The following PKNOX2 variants were observed in gnomAD, a reference collection of about 807,000 sequenced individuals.
The protein encoded by PKNOX2 is homeobox protein PKNOX2.
PKNOX2 carries 14 observed loss-of-function variants against 53.1 expected under a neutral mutation model. The observed-to-expected ratio is 0.26, with a 90% CI of 0.17 to 0.41. PKNOX2 has a LOEUF of 0.41. Ranked by LOEUF, PKNOX2 falls within the 10% of genes least tolerant of loss-of-function variation. The pLI, the probability that PKNOX2 is intolerant of heterozygous loss-of-function variation, is 1.00. For missense variants in PKNOX2, 496 were observed against 602.8 expected, an observed-to-expected ratio of 0.82 and a Z score of 1.85; for synonymous variants, 257 against 242.8, an observed-to-expected ratio of 1.06 and a Z score of -0.54.
intron 6 of PKNOX2, among the ~76,000 whole-genome samples, chr11:125,396,465 A>G (rs1954407291): frequency 6.6e-6 from 1 of 152,140 alleles, no homozygotes; most frequent in Non-Finnish European, 1.5e-5. Context: ...CACCATTTGA[A>G]CAACCCCCTG....
At chr11:125,265,566 C>T (rs576180072) in intron 2 of PKNOX2, among the ~76,000 whole-genome samples, 13 of 152,326 alleles carry the variant, frequency 8.5e-5, no homozygotes, top group African/African-American at 2.4e-4. Context: ...GCTGCCGCCT[C>T]ACCCTGCTGG....
At chr11:125,398,156 T>G (rs192618697) in intron 7 of PKNOX2, 94 bp downstream of exon 7, 1 of 1,330,732 alleles carries the variant, frequency 7.5e-7, no homozygotes, top group African/African-American at 1.5e-5. Flanking sequence ...TGACCTTCAC[T>G]GGGTTAGACC....
chr11:125,309,131 CTTTCTTTCTTTCTTTCT>C (rs1565493488), intron 2 of PKNOX2, among the ~76,000 whole-genome samples: 32 of 102,374 alleles, frequency 3.1e-4, no homozygotes, highest in African/African-American at 1.4e-3. Context: ...TTACCTCTTC[CTTTCTTTCTTTCTTTCT>C]TTCTTTCTTT....
intron 4 of PKNOX2, among the ~76,000 whole-genome samples, chr11:125,360,250 G>C (rs1951853576): frequency 6.6e-6 from 1 of 152,118 alleles, no homozygotes; most frequent in African/African-American, 2.4e-5. Context: ...GAGGTGTGTG[G>C]GGGTTTAATA....
chr11:125,286,066 C>G, intron 2 of PKNOX2, among the ~76,000 whole-genome samples: 1 of 152,068 alleles, frequency 6.6e-6, no homozygotes, highest in Non-Finnish European at 1.5e-5. Context: ...AGAGACGGGG[C>G]AGTGTGAGGC....
At chr11:125,389,024 G>A (rs1267129899) in intron 6 of PKNOX2, among the ~76,000 whole-genome samples, 1 of 152,106 alleles carries the variant, frequency 6.6e-6, no homozygotes, top group Non-Finnish European at 1.5e-5. Context: ...GCGAAACCTC[G>A]TCTCTACTAA....
chr11:125,190,261 ATAAAT>A (rs1956799878), intron 1 of PKNOX2, among the ~76,000 whole-genome samples: 1 of 152,144 alleles, frequency 6.6e-6, no homozygotes, highest in African/African-American at 2.4e-5. Context: ...AATTTGGGCA[ATAAAT>A]TAAATGGTGA....
At chr11:125,261,012 A>T (rs1944804488) in intron 2 of PKNOX2, among the ~76,000 whole-genome samples, 1 of 152,302 alleles carries the variant, frequency 6.6e-6, no homozygotes, top group South Asian at 2.1e-4. Context: ...CTATAAAATG[A>T]TAATAATAAT....
Position 125,298,355 on chromosome 11 carries a change from G to A in PKNOX2, c.-129-33464G>A, listed in dbSNP as rs1565490838. On this transcript the variant is annotated intron_variant, in intron 2 of 12. Coordinates refer to ENST00000298282, the MANE Select transcript of PKNOX2 (RefSeq NM_001382323.2). Reference sequence around the variant, plus strand: ...GTCACCAGGGATAGAGGCCCACACAGGATACCCTGGAAGCGGCGCGTTTGT... The same window carrying A: ...GTCACCAGGGATAGAGGCCCACACAAGATACCCTGGAAGCGGCGCGTTTGT... 2.6e-5 allele frequency among the ~76,000 whole-genome samples: 4 copies of A among 152,296 alleles called. No individual in the cohort carries two copies. The East Asian group carries it at 7.7e-4, about 29-fold the overall frequency.
chr11:125,214,733 C>T (rs1222891783), intron 1 of PKNOX2, among the ~76,000 whole-genome samples: 1 of 152,032 alleles, frequency 6.6e-6, no homozygotes, highest in Non-Finnish European at 1.5e-5. Flanking sequence ...AACTCCTTGC[C>T]AACCCTTAGA....
intron 2 of PKNOX2, among the ~76,000 whole-genome samples, chr11:125,252,369 C>T (rs1434095619): frequency 6.6e-6 from 1 of 152,042 alleles, no homozygotes; most frequent in African/African-American, 2.4e-5. Context: ...TTGATTTGGC[C>T]AGATCTGTGT....
chr11:125,393,315 C>A (rs1954190836), intron 6 of PKNOX2, among the ~76,000 whole-genome samples: 1 of 151,948 alleles, frequency 6.6e-6, no homozygotes, highest in African/African-American at 2.4e-5. Flanking sequence ...CCTAGAAGTT[C>A]CTCGATGTTC....
chr11:125,386,762 C>A (rs1953664852), intron 6 of PKNOX2, among the ~76,000 whole-genome samples: 1 of 124,952 alleles, frequency 8.0e-6, no homozygotes, highest in Non-Finnish European at 1.7e-5. Flanking sequence ...ACTGCATCTG[C>A]AGAACCGGTG....
chr11:125,432,296 T>C lies in PKNOX2; in HGVS notation c.*904T>C, dbSNP rs1466139318. 2 of 152,780 alleles carry C rather than the reference T, an allele frequency of 1.3e-5. No individual in the cohort carries two copies. The highest frequency in any genetic ancestry group is 2.9e-5 in the Non-Finnish European group (2 of 68,068). 9.5% of individuals were successfully genotyped at this position (152,780 alleles called of 1,614,324 possible). A position where few individuals can be genotyped will look rare whatever the true frequency, so the allele number is the denominator to read the frequency against. On this transcript the variant is annotated 3_prime_UTR_variant, in exon 13 of 13. Coordinates refer to ENST00000298282, the MANE Select transcript of PKNOX2 (RefSeq NM_001382323.2). ...CACCTTCAGTGCTCCACGCCCTCCA[T>C]AGACCTTCAGAGAAGGTGAAACCAG...
At chr11:125,430,278 C>G in intron 12 of PKNOX2, 137 bp downstream of exon 12, 1 of 1,040,644 alleles carries the variant, frequency 9.6e-7, no homozygotes, top group Non-Finnish European at 1.4e-6. Context: ...GTGATTATCC[C>G]TCCCCAAAGC....
At chr11:125,231,340 C>T (rs1055478897) in intron 1 of PKNOX2, among the ~76,000 whole-genome samples, 5 of 152,228 alleles carry the variant, frequency 3.3e-5, no homozygotes, top group African/African-American at 4.8e-5. Flanking sequence ...TCCCTCTCCC[C>T]GCCTCTTTTC....
chr11:125,290,563 A>T (rs1377740242), intron 2 of PKNOX2, among the ~76,000 whole-genome samples: 1 of 152,162 alleles, frequency 6.6e-6, no homozygotes, highest in Non-Finnish European at 1.5e-5. Context: ...AGGCCTTGGG[A>T]CACCCTTCAC....
intron 1 of PKNOX2, among the ~76,000 whole-genome samples, chr11:125,198,450 C>T (rs575272843): frequency 5.9e-4 from 90 of 152,300 alleles, no homozygotes; most frequent in African/African-American, 2.1e-3. Context: ...GACAATTTCT[C>T]CTTTTGAAAC....
At chr11:125,205,965 C>T (rs1258343958) in intron 1 of PKNOX2, among the ~76,000 whole-genome samples, 4 of 152,096 alleles carry the variant, frequency 2.6e-5, no homozygotes, top group Non-Finnish European at 4.4e-5. Context: ...ATGAGTGGCA[C>T]AGATTCTATG....
Sources: allele counts gnomAD v4.1 joint callset (sites outside exome capture counted in the v4.1 genomes callset), GRCh38; gene constraint gnomAD v4.1.1; transcripts MANE v1.5; gene names NCBI Gene and HGNC (gene_info 2026-07-23, HGNC 2026-07-21).